The following CDIN1 variants were observed in gnomAD, a reference collection of about 807,000 sequenced individuals.
CDIN1 encodes the protein CDAN1 interacting nuclease 1.
In CDIN1, 33 loss-of-function variants were observed where a neutral mutation model predicts 45.3. The ratio of observed to expected loss-of-function variants is 0.73; its 90% CI spans 0.55 to 0.97. CDIN1 has a LOEUF of 0.97. CDIN1 is among the 50% of genes least tolerant of loss of function. The pLI is 0.00. For synonymous variants in CDIN1, 118 were observed against 124.4 expected, an observed-to-expected ratio of 0.95 and a Z score of 0.34; for missense variants, 303 against 339.4, an observed-to-expected ratio of 0.89 and a Z score of 0.84.
chr15:36,676,496 A>G (rs1242282532), intron 5 of CDIN1, among the ~76,000 whole-genome samples: 2 of 152,188 alleles, frequency 1.3e-5, no homozygotes, highest in South Asian at 2.1e-4. Flanking sequence ...GAAGTCATCA[A>G]CTTGCAAAGC....
chr15:36,700,224 C>T (rs2042582375), intron 8 of CDIN1, among the ~76,000 whole-genome samples: 1 of 152,254 alleles, frequency 6.6e-6, no homozygotes, highest in East Asian at 1.9e-4. Context: ...CCAGGAACTA[C>T]ACTAGTTAGT....
At chr15:36,696,387 A>G (rs1182796477) in intron 7 of CDIN1, 2 of 152,226 alleles carry the variant, frequency 1.3e-5, no homozygotes, top group African/African-American at 4.8e-5. Context: ...CAAAAGTTCA[A>G]CAACAGTCGA....
intron 10 of CDIN1, among the ~76,000 whole-genome samples, chr15:36,737,984 A>G (rs1174208450): frequency 6.6e-6 from 1 of 152,122 alleles, no homozygotes; most frequent in Admixed American, 6.6e-5. Flanking sequence ...ACTTGACTTT[A>G]TTTGGTTTAT....
chr15:36,601,619 AT>A, intron 1 of CDIN1, among the ~76,000 whole-genome samples: 1 of 152,342 alleles, frequency 6.6e-6, no homozygotes, highest in East Asian at 1.9e-4. Context: ...TCAGTCTGCC[AT>A]GAGGTCACAA....
chr15:36,709,191 T>C, intron 8 of CDIN1, 32 bp from the exon 9 acceptor site: 1 of 1,565,168 alleles, frequency 6.4e-7, no homozygotes, highest in Non-Finnish European at 8.7e-7. Context: ...TTGAATAGTG[T>C]TTTAAGTAAA....
chr15:36,645,285 G>T lies in CDIN1; in HGVS notation c.210G>T (p.Gln70His). The part of the protein sequence containing the change: ...HTSEAIESYY[Q>H]RYLNGVVKNG... Reference sequence around the variant, plus strand: ...CGGAAGCAATTGAAAGTTATTACCAGAGGTATGACCTTCCTGCCCCACTAG... The same window carrying T: ...CGGAAGCAATTGAAAGTTATTACCATAGGTATGACCTTCCTGCCCCACTAG... Residue 70 changes from glutamine (Q) to histidine (H), a missense_variant and splice_region_variant, in exon 3 of 11, where the codon CAG becomes CAT. Physicochemically the swap from Gln to His is conservative, Grantham distance 24 (BLOSUM62 0). Transcript: ENST00000566621. 1 of 1,550,766 alleles carries T rather than the reference G, an allele frequency of 6.4e-7. No individual in the cohort carries two copies. Among genetic ancestry groups the T allele is most frequent in the East Asian group, 2.4e-5 (1 of 41,132 alleles).
At chr15:36,784,887 C>G (rs2054450213) in intron 10 of CDIN1, among the ~76,000 whole-genome samples, 1 of 152,148 alleles carries the variant, frequency 6.6e-6, no homozygotes, top group Non-Finnish European at 1.5e-5. Flanking sequence ...TCCACTTGAT[C>G]AAGACAGCTC....
At chr15:36,622,646 C>A (rs112094480) in intron 1 of CDIN1, among the ~76,000 whole-genome samples, 32 of 152,310 alleles carry the variant, frequency 2.1e-4, no homozygotes, top group African/African-American at 7.2e-4. Flanking sequence ...ACCAGGGTAA[C>A]AGCAAATGGG....
chr15:36,627,115 C>T, intron 1 of CDIN1: 1 of 183,716 alleles, frequency 5.4e-6, no homozygotes. Flanking sequence ...AGTACACGAG[C>T]AGGCACTTGT....
intron 10 of CDIN1, among the ~76,000 whole-genome samples, chr15:36,743,865 G>A (rs1028259911): frequency 4.6e-5 from 7 of 151,778 alleles, no homozygotes; most frequent in African/African-American, 1.4e-4. Flanking sequence ...CTCCAGCCTG[G>A]GCAACAGAGG....
chr15:36,682,599 C>CA (rs35789630), intron 5 of CDIN1, among the ~76,000 whole-genome samples: 30,719 of 116,652 alleles, frequency 0.26, 3,934 homozygotes, highest in East Asian at 0.4. Flanking sequence ...CCTGTCTCTA[C>CA]AAAAAAAAAA....
intron 8 of CDIN1, among the ~76,000 whole-genome samples, chr15:36,700,288 C>T (rs930616569): frequency 2.0e-5 from 3 of 152,032 alleles, no homozygotes; most frequent in East Asian, 1.9e-4. Context: ...AGTCAAGCAC[C>T]GTATTGCATG....
chr15:36,785,158 A>T (rs1465067205), intron 10 of CDIN1, among the ~76,000 whole-genome samples: 2 of 152,192 alleles, frequency 1.3e-5, no homozygotes, highest in Non-Finnish European at 2.9e-5. Context: ...ATTTACATGG[A>T]GGATATTCCC....
intron 10 of CDIN1, among the ~76,000 whole-genome samples, chr15:36,783,317 T>A (rs1398486281): frequency 6.6e-6 from 1 of 151,412 alleles, no homozygotes; most frequent in Non-Finnish European, 1.5e-5. Flanking sequence ...CATGCAGATT[T>A]GTGTAAAAAC....
intron 8 of CDIN1, chr15:36,707,338 AAGAG>A (rs966138338): frequency 6.6e-6 from 1 of 151,978 alleles, no homozygotes; most frequent in African/African-American, 2.4e-5. Context: ...GAGAGAGAGA[AAGAG>A]AGAGAGCGAG....
At chr15:36,628,646 G>A (rs185508917) in intron 1 of CDIN1, among the ~76,000 whole-genome samples, 105 of 152,234 alleles carry the variant, frequency 6.9e-4, no homozygotes, top group Admixed American at 1.1e-3. Flanking sequence ...GATGAGTTGG[G>A]ACTTTGGGGG....
chr15:36,783,503 G>A (rs1034088294), intron 10 of CDIN1, among the ~76,000 whole-genome samples: 5 of 151,880 alleles, frequency 3.3e-5, no homozygotes, highest in South Asian at 2.1e-4. Context: ...GATACCTTTC[G>A]CCCAGTTAGT....
chr15:36,736,251 T>C (rs1409692635), intron 10 of CDIN1, among the ~76,000 whole-genome samples: 1 of 152,190 alleles, frequency 6.6e-6, no homozygotes, highest in Non-Finnish European at 1.5e-5. Flanking sequence ...TGGCTTCTTA[T>C]TACACTTCTT....
intron 8 of CDIN1, among the ~76,000 whole-genome samples, chr15:36,702,868 C>A (rs2042693545): frequency 6.6e-6 from 1 of 151,864 alleles, no homozygotes; most frequent in African/African-American, 2.4e-5. Context: ...AGTTTATAAT[C>A]CCAGAGCAAA....
Sources: gnomAD v4.1 joint callset for allele counts (sites outside exome capture counted in the v4.1 genomes callset) on GRCh38, gnomAD v4.1.1 for gene constraint, MANE v1.5 for transcripts, NCBI Gene and HGNC (gene_info 2026-07-23, HGNC 2026-07-21) for gene names.